The following RASAL2 variants were observed in gnomAD, a reference collection of about 807,000 sequenced individuals.
RASAL2 encodes the protein RAS protein activator like 2.
In RASAL2, 58 loss-of-function variants were observed where a neutral mutation model predicts 128.9. The ratio of observed to expected loss-of-function variants is 0.45; its 90% CI spans 0.36 to 0.56. The LOEUF is 0.56. RASAL2 is among the 20% of genes least tolerant of loss of function. RASAL2 has a pLI of 0.00. For missense variants in RASAL2, 1,360 were observed against 1,601.6 expected (o/e 0.85, Z 2.57); for synonymous variants, 561 against 580.8 (o/e 0.97, Z 0.49).
intron 1 of RASAL2, among the ~76,000 whole-genome samples, chr1:178,155,098 C>T (rs1661039177): frequency 6.6e-6 from 1 of 152,142 alleles, no homozygotes; most frequent in South Asian, 2.1e-4. Flanking sequence ...GCTGGGATTG[C>T]AAGCGTGAGC....
intron 3 of RASAL2, among the ~76,000 whole-genome samples, chr1:178,326,896 T>C (rs1395558029): frequency 2.0e-5 from 3 of 152,234 alleles, no homozygotes; most frequent in African/African-American, 7.2e-5. Flanking sequence ...ACCTATGTTA[T>C]CTTCTCTTAC....
At chr1:178,257,443 G>A (rs1040351307) in intron 1 of RASAL2, among the ~76,000 whole-genome samples, 2 of 151,966 alleles carry the variant, frequency 1.3e-5, no homozygotes, top group African/African-American at 4.8e-5. Flanking sequence ...GTGTGTGTGT[G>A]TGTGTGTGTG....
chr1:178,452,671 A>C lies in RASAL2; in HGVS notation c.2009+19A>C. The C allele has an allele frequency of 6.3e-7, 1 of 1,579,366 alleles. No homozygotes were observed. Among genetic ancestry groups the C allele is most frequent in the Non-Finnish European group, 8.7e-7 (1 of 1,149,102 alleles). ...TTGCCAAGTAGGTGATACTGTTGTAACCACTTTAAAAACACAGTTTAAAAA... is the reference window on the plus strand; with the variant it reads ...TTGCCAAGTAGGTGATACTGTTGTACCCACTTTAAAAACACAGTTTAAAAA... On this transcript the variant is annotated intron_variant, in intron 11 of 17. Coordinates refer to ENST00000367649, the MANE Select transcript of RASAL2 (RefSeq NM_170692.4).
Position 178,473,170 on chromosome 1 carries a change from C to A in RASAL2, c.3774C>A (p.Gly1258=). 1 of 1,614,180 alleles carries A rather than the reference C, an allele frequency of 6.2e-7. No homozygotes were observed. The highest frequency in any genetic ancestry group is 1.1e-5 in the South Asian group (1 of 91,082). Residue 1258 remains glycine (G), a synonymous_variant, in exon 18 of 18, where the codon GGC becomes GGA. Transcript: ENST00000367649. ...KERYSMQVRN[G]ISPTNPTKLS... ...GGTACAGCATGCAGGTCCGCAATGG[C>A]ATCTCCCCCACCAACCCCACCAAGC...
chr1:178,293,062 A>C (rs1321349182), intron 2 of RASAL2, among the ~76,000 whole-genome samples: 1 of 152,220 alleles, frequency 6.6e-6, no homozygotes, highest in Non-Finnish European at 1.5e-5. Context: ...TACCTATGGC[A>C]TATTTCATTC....
At chr1:178,256,815 A>G (rs912925118) in intron 1 of RASAL2, among the ~76,000 whole-genome samples, 2 of 152,038 alleles carry the variant, frequency 1.3e-5, no homozygotes, top group Non-Finnish European at 2.9e-5. Flanking sequence ...CTGGGACTAC[A>G]AGCATACGCC....
intron 1 of RASAL2, among the ~76,000 whole-genome samples, chr1:178,146,175 A>G (rs78899405): frequency 1.9e-3 from 289 of 152,308 alleles, no homozygotes; most frequent in Non-Finnish European, 3.2e-3. Context: ...GAAAAAACAC[A>G]GACAGTTGCC....
chr1:178,229,908 T>A (rs892646551), intron 1 of RASAL2, among the ~76,000 whole-genome samples: 1 of 152,212 alleles, frequency 6.6e-6, no homozygotes, highest in Non-Finnish European at 1.5e-5. Flanking sequence ...CTATCAAAGC[T>A]TAGAAAGTTT....
intron 2 of RASAL2, among the ~76,000 whole-genome samples, chr1:178,292,035 C>CAAA (rs34317624): frequency 0.06 from 3,514 of 58,652 alleles, 296 homozygotes; most frequent in African/African-American, 0.16. Context: ...GACTTTGTCT[C>CAAA]AAAAAAAAAA....
At chr1:178,310,333 G>T (rs1204806080) in intron 3 of RASAL2, among the ~76,000 whole-genome samples, 1 of 152,126 alleles carries the variant, frequency 6.6e-6, no homozygotes, top group African/African-American at 2.4e-5. Flanking sequence ...CTACCAATCT[G>T]ATATAGTTAG....
At chr1:178,464,148 T>A in intron 14 of RASAL2, 130 bp from the exon 15 acceptor site, 1 of 1,111,294 alleles carries the variant, frequency 9.0e-7, no homozygotes, top group Non-Finnish European at 1.2e-6. Flanking sequence ...AGTAAAATAA[T>A]ACTTAAAGCT....
chr1:178,412,580 C>T (rs1674463036), intron 4 of RASAL2, among the ~76,000 whole-genome samples: 1 of 152,196 alleles, frequency 6.6e-6, no homozygotes, highest in Non-Finnish European at 1.5e-5. Context: ...TAACCTTTTC[C>T]TTATCTGTGT....
chr1:178,188,600 G>A (rs1364013516), intron 1 of RASAL2, among the ~76,000 whole-genome samples: 1 of 152,028 alleles, frequency 6.6e-6, no homozygotes, highest in Non-Finnish European at 1.5e-5. Context: ...GCCACTAAAG[G>A]AATTTTACTT....
intron 1 of RASAL2, among the ~76,000 whole-genome samples, chr1:178,168,709 C>T (rs2101907191): frequency 6.6e-6 from 1 of 152,196 alleles, no homozygotes; most frequent in East Asian, 1.9e-4. Flanking sequence ...TTCAATCTCA[C>T]AGCAGTCAGT....
intron 1 of RASAL2, among the ~76,000 whole-genome samples, chr1:178,209,350 G>A (rs1193375534): frequency 6.6e-6 from 1 of 151,994 alleles, no homozygotes; most frequent in Non-Finnish European, 1.5e-5. Context: ...TTTTGCTGAG[G>A]CATATTATCA....
chr1:178,348,838 C>T (rs1483608581), intron 3 of RASAL2, among the ~76,000 whole-genome samples: 9 of 148,224 alleles, frequency 6.1e-5, no homozygotes, highest in Admixed American at 2.7e-4. Flanking sequence ...GTCTCGCTCT[C>T]GCCCAGGCTG....
chr1:178,372,394 C>A (rs1298507288), intron 3 of RASAL2: 1 of 946,174 alleles, frequency 1.1e-6, no homozygotes, highest in Non-Finnish European at 1.3e-6. Flanking sequence ...AATAGGACCC[C>A]AAATTCTCTA....
At chr1:178,222,097 T>C (rs984475084) in intron 1 of RASAL2, among the ~76,000 whole-genome samples, 1 of 152,178 alleles carries the variant, frequency 6.6e-6, no homozygotes, top group African/African-American at 2.4e-5. Flanking sequence ...AGTATAGCTT[T>C]CTCCATTTAC....
At chr1:178,416,475 A>G (rs1489908326) in intron 4 of RASAL2, among the ~76,000 whole-genome samples, 1 of 152,028 alleles carries the variant, frequency 6.6e-6, no homozygotes, top group Non-Finnish European at 1.5e-5. Context: ...AATTAAATAC[A>G]TTGTTGTTAT....
Sources: allele counts gnomAD v4.1 joint callset (sites outside exome capture counted in the v4.1 genomes callset), GRCh38; gene constraint gnomAD v4.1.1; transcripts MANE v1.5; gene names NCBI Gene and HGNC (gene_info 2026-07-23, HGNC 2026-07-21).